Variants in SLC4A4 observed in about 807,000 individuals in gnomAD.
The protein encoded by SLC4A4 is electrogenic sodium bicarbonate cotransporter 1.
Under a neutral mutation model 111.5 loss-of-function variants are expected in SLC4A4, and 27 were observed. That is an observed-to-expected ratio of 0.24 (90% CI 0.18 to 0.33). The LOEUF is 0.33. SLC4A4 is among the 10% of genes least tolerant of loss of function. The pLI is 1.00. For missense variants in SLC4A4, 909 were observed against 1,315.5 expected, an observed-to-expected ratio of 0.69 and a Z score of 4.78; for synonymous variants, 443 against 463.4, an observed-to-expected ratio of 0.96 and a Z score of 0.57.
At chr4:71,250,116 G>A (rs1001252416) in intron 2 of SLC4A4, among the ~76,000 whole-genome samples, 1 of 148,380 alleles carries the variant, frequency 6.7e-6, no homozygotes, top group African/African-American at 2.5e-5. Flanking sequence ...CAGGGTCTCC[G>A]CCTCTTCTAC....
At chr4:71,096,722 G>T (rs1257626944) in intron 2 of SLC4A4, among the ~76,000 whole-genome samples, 1 of 152,056 alleles carries the variant, frequency 6.6e-6, no homozygotes, top group Non-Finnish European at 1.5e-5. Context: ...TTGATATTTT[G>T]TTCATCTAGA....
At chr4:71,089,841 T>A (rs2148939867) in intron 1 of SLC4A4, among the ~76,000 whole-genome samples, 1 of 151,428 alleles carries the variant, frequency 6.6e-6, no homozygotes, top group South Asian at 2.1e-4. Context: ...TACTCAGGGG[T>A]CAGGAACCCA....
chr4:71,405,605 CT>C (rs746818588), intron 7 of SLC4A4, among the ~76,000 whole-genome samples: 91 of 152,168 alleles, frequency 6.0e-4, no homozygotes, highest in Non-Finnish European at 1.1e-3. Flanking sequence ...AGTGGAATTG[CT>C]GGATTACCGT....
chr4:71,258,953 C>A (rs976358175), intron 3 of SLC4A4, among the ~76,000 whole-genome samples: 1 of 152,060 alleles, frequency 6.6e-6, no homozygotes, highest in African/African-American at 2.4e-5. Flanking sequence ...GCAGGCAGCC[C>A]CCCTTCAGAA....
At chr4:71,314,479 G>A (rs1005379494) in intron 3 of SLC4A4, among the ~76,000 whole-genome samples, 6 of 152,162 alleles carry the variant, frequency 3.9e-5, no homozygotes, top group South Asian at 2.1e-4. Context: ...TATGTTTATT[G>A]CAGTACTGTT....
rs532208565 is a variant in SLC4A4 at position 71,401,664 on chromosome 4, C to T, written c.807+4011C>T. On this transcript the variant is annotated intron_variant, in intron 7 of 25. Transcript: ENST00000264485. ...TACAGTTTTCATGTGAATATGGCTT[C>T]AGCTATGAGGATAAGAAAGAGCTTT... Among the ~76,000 whole-genome samples, 3 of 152,264 alleles carry T rather than the reference C, an allele frequency of 2.0e-5. No homozygotes were observed. In the South Asian group the frequency reaches 6.2e-4, roughly 32 times the overall value.
chr4:71,214,861 C>T (rs1718332088), intron 1 of SLC4A4, among the ~76,000 whole-genome samples: 1 of 152,192 alleles, frequency 6.6e-6, no homozygotes, highest in Non-Finnish European at 1.5e-5. Context: ...TACTCCAACC[C>T]TGGTTTAGAA....
intron 1 of SLC4A4, among the ~76,000 whole-genome samples, chr4:71,229,076 A>G (rs1485671811): frequency 1.3e-5 from 2 of 152,024 alleles, no homozygotes; most frequent in Non-Finnish European, 1.5e-5. Context: ...TCCATCTTTA[A>G]CCCCTGGCAA....
chr4:71,274,816 C>G (rs1185294150), intron 3 of SLC4A4, among the ~76,000 whole-genome samples: 1 of 152,102 alleles, frequency 6.6e-6, no homozygotes, highest in African/African-American at 2.4e-5. Context: ...CCTACCAGCT[C>G]TCATATTCTT....
chr4:71,300,535 A>C (rs1434093269), intron 3 of SLC4A4: 1 of 247,416 alleles, frequency 4.0e-6, no homozygotes, highest in East Asian at 1.1e-4. Context: ...AGCGGCATGC[A>C]GATCTAGATT....
chr4:71,290,042 C>G (rs935599974), intron 3 of SLC4A4, among the ~76,000 whole-genome samples: 2 of 151,930 alleles, frequency 1.3e-5, no homozygotes, highest in Non-Finnish European at 1.5e-5. Flanking sequence ...TTTAAAGTAA[C>G]GAAGGTTTAG....
At chr4:71,479,163 T>C (rs532677462) in intron 14 of SLC4A4, among the ~76,000 whole-genome samples, 2 of 151,908 alleles carry the variant, frequency 1.3e-5, no homozygotes, top group East Asian at 3.9e-4. Context: ...CAGGAGAACA[T>C]GCTTAACAAT....
chr4:71,240,809 A>T (rs1391122070), intron 2 of SLC4A4, among the ~76,000 whole-genome samples: 2 of 152,162 alleles, frequency 1.3e-5, no homozygotes, highest in African/African-American at 2.4e-5. Flanking sequence ...TATTTTTTAA[A>T]TTTTTTTGTT....
At chr4:71,258,626 G>A (rs1334523574) in intron 3 of SLC4A4, among the ~76,000 whole-genome samples, 2 of 152,174 alleles carry the variant, frequency 1.3e-5, no homozygotes, top group African/African-American at 4.8e-5. Context: ...CGTAAGCATT[G>A]CTTTAATTGG....
intron 3 of SLC4A4, among the ~76,000 whole-genome samples, chr4:71,320,467 C>G (rs1560407783): frequency 6.6e-6 from 1 of 151,982 alleles, no homozygotes; most frequent in Non-Finnish European, 1.5e-5. Flanking sequence ...CTGACTCATT[C>G]TTTATACATT....
At chr4:71,332,476 G>A (rs1479632046) in intron 3 of SLC4A4, among the ~76,000 whole-genome samples, 9 of 139,456 alleles carry the variant, frequency 6.5e-5, no homozygotes, top group African/African-American at 1.9e-4. Context: ...ACGGAGTCTC[G>A]TTCTGTCGCC....
intron 1 of SLC4A4, among the ~76,000 whole-genome samples, chr4:71,076,403 A>C (rs7442195): frequency 6.6e-6 from 1 of 151,876 alleles, no homozygotes; most frequent in South Asian, 2.1e-4. Flanking sequence ...ATGGTGGCAC[A>C]TGCCTATAAT....
At chr4:71,235,489 G>A (rs1320086036) in intron 1 of SLC4A4, among the ~76,000 whole-genome samples, 1 of 152,196 alleles carries the variant, frequency 6.6e-6, no homozygotes, top group Non-Finnish European at 1.5e-5. Flanking sequence ...GTATGACATA[G>A]AGCAGCTGTC....
chr4:71,294,915 T>C (rs1211947064), intron 3 of SLC4A4, among the ~76,000 whole-genome samples: 1 of 152,238 alleles, frequency 6.6e-6, no homozygotes, highest in African/African-American at 2.4e-5. Flanking sequence ...AGTTTTTTCC[T>C]ATGACAAAAA....
Sources: allele counts gnomAD v4.1 joint callset (sites outside exome capture counted in the v4.1 genomes callset), GRCh38; gene constraint gnomAD v4.1.1; transcripts MANE v1.5; gene names NCBI Gene and HGNC (gene_info 2026-07-23, HGNC 2026-07-21).